Variants in SLIT1 observed in about 807,000 individuals in gnomAD.
SLIT1 encodes the protein slit homolog 1 protein.
In SLIT1, 66 loss-of-function variants were observed where a neutral mutation model predicts 186.1. The ratio of observed to expected loss-of-function variants is 0.35; its 90% CI spans 0.29 to 0.44. The LOEUF (loss-of-function observed/expected upper bound fraction) is 0.44, where lower values mean the gene tolerates loss of function less well. Among genes scored for constraint, SLIT1 ranks in the 20% least tolerant of loss-of-function variants. The probability of loss-of-function intolerance (pLI) is 1.00; values close to 1 mark genes in which losing one functional copy is unlikely to be tolerated. For synonymous variants in SLIT1, 761 were observed against 833.8 expected (o/e 0.91, Z 1.50); for missense variants, 1,638 against 2,037.4 (o/e 0.80, Z 3.77).
chr10:97,066,665 G>C (rs1049014539), intron 4 of SLIT1, among the ~76,000 whole-genome samples: 1 of 152,156 alleles, frequency 6.6e-6, no homozygotes, highest in Non-Finnish European at 1.5e-5. Flanking sequence ...ATGAGAAAAA[G>C]CTCCCTGAGG....
intron 4 of SLIT1, among the ~76,000 whole-genome samples, chr10:97,146,568 A>G (rs56204299): frequency 6.7e-6 from 1 of 149,912 alleles, no homozygotes; most frequent in Non-Finnish European, 1.5e-5. Context: ...AGCCCCCCCC[A>G]CTGAACACCT....
intron 21 of SLIT1, among the ~76,000 whole-genome samples, chr10:97,038,330 C>T (rs1589370780): frequency 6.6e-6 from 1 of 152,208 alleles, no homozygotes; most frequent in East Asian, 1.9e-4. Context: ...AGCTTGCTTT[C>T]CTTGCACTCT....
chr10:97,125,465 A>G (rs1849595339), intron 4 of SLIT1, among the ~76,000 whole-genome samples: 1 of 145,984 alleles, frequency 6.9e-6, no homozygotes, highest in African/African-American at 2.5e-5. Context: ...GCTCAGGAGG[A>G]GGAGGTTACA....
rs1848278318 is a variant in SLIT1, at chr10:96,999,277, C to A, written c.*1835G>T. ...AGGGGCAGATCCTGCCATGAGGACA[C>A]CTGCCACATTGGGCAGGGCACTGCC... On this transcript the variant is annotated 3_prime_UTR_variant, in exon 37 of 37. Coordinates refer to ENST00000266058, the MANE Select transcript of SLIT1 (RefSeq NM_003061.3). 6.6e-6 allele frequency: 1 copy of A among 152,274 alleles called. No homozygotes were observed. Among genetic ancestry groups the A allele is most frequent in the African/African-American group, 2.4e-5 (1 of 41,450 alleles). The allele number at this position is 152,274 out of a possible 1,614,324, so 9.4% of individuals were successfully genotyped here.
chr10:97,075,601 T>A (rs1589383103), intron 4 of SLIT1, among the ~76,000 whole-genome samples: 1 of 152,184 alleles, frequency 6.6e-6, no homozygotes, highest in Non-Finnish European at 1.5e-5. Flanking sequence ...TGGTAGCTGG[T>A]GCCAGCACGG....
intron 4 of SLIT1, among the ~76,000 whole-genome samples, chr10:97,092,612 T>C (rs778374731): frequency 1.3e-5 from 2 of 152,212 alleles, no homozygotes; most frequent in East Asian, 1.9e-4. Context: ...CCATGAAATA[T>C]CACCTCCTTG....
At chr10:97,170,985 G>T (rs1564694091) in intron 1 of SLIT1, among the ~76,000 whole-genome samples, 1 of 152,060 alleles carries the variant, frequency 6.6e-6, no homozygotes, top group Non-Finnish European at 1.5e-5. Context: ...TTCCCTCAGG[G>T]ACTAGAACGT....
In SLIT1 at chr10:96,999,398, C is replaced by T. The variant is rs1034169420; in HGVS notation, c.*1714G>A. 1.3e-5 allele frequency: 2 copies of T among 152,402 alleles called. No homozygotes were observed. The highest frequency in any genetic ancestry group is 6.5e-5 in the Admixed American group (1 of 15,292). The allele number at this position is 152,402 out of a possible 1,614,324, so 9.4% of individuals were successfully genotyped here. ...GCACCTCTACCCCAGTTCTAGCCTT[C>T]TAATCAGCATCAAGGGCTCCCCTCA... On this transcript the variant is annotated 3_prime_UTR_variant, in exon 37 of 37. Coordinates refer to ENST00000266058, the MANE Select transcript of SLIT1 (RefSeq NM_003061.3).
chr10:97,151,835 C>T (rs763201611), intron 4 of SLIT1, among the ~76,000 whole-genome samples: 6 of 152,060 alleles, frequency 3.9e-5, no homozygotes, highest in African/African-American at 7.2e-5. Context: ...TCTTTCTAAC[C>T]GTTACTATGA....
chr10:97,167,896 C>T (rs1850140984), intron 1 of SLIT1, among the ~76,000 whole-genome samples: 1 of 152,202 alleles, frequency 6.6e-6, no homozygotes, highest in African/African-American at 2.4e-5. Context: ...TCCCCTTCCG[C>T]CATGATTGTA....
chr10:97,061,052 C>T (rs565906329), intron 8 of SLIT1, among the ~76,000 whole-genome samples: 1 of 152,310 alleles, frequency 6.6e-6, no homozygotes, highest in South Asian at 2.1e-4. Flanking sequence ...CTAAGAAATC[C>T]TGGCCTAGAA....
intron 4 of SLIT1, among the ~76,000 whole-genome samples, chr10:97,110,064 T>A (rs1849451088): frequency 6.6e-6 from 1 of 152,160 alleles, no homozygotes; most frequent in East Asian, 1.9e-4. Context: ...CAATAATCAC[T>A]GAAACTAGAT....
Position 97,184,693 on chromosome 10 carries a change from T to C in SLIT1, c.197+785A>G, listed in dbSNP as rs1432065668. On this transcript the variant is annotated intron_variant, in intron 1 of 36. Transcript: ENST00000266058. The surrounding 1 kb of genome is among the most constrained non-coding windows in gnomAD (Gnocchi z 4.4). ...AGAACAGGGGAAGAGAAATGCTATT[T>C]TTTTATTACTTGTCATGGTCAATAT... Among the ~76,000 whole-genome samples the C allele has an allele frequency of 6.6e-6, 1 of 152,322 alleles. No individual in the cohort carries two copies. Among genetic ancestry groups the C allele is most frequent in the South Asian group, 2.1e-4 (1 of 4,830 alleles).
Position 97,066,025 on chromosome 10 carries a change from G to A in SLIT1, c.475C>T (p.Leu159Phe). The change falls in exon 5 of 37, where the codon CTT becomes TTT. Residue 159 changes from leucine (L) to phenylalanine (F), a missense_variant. This residue lies in a region of SLIT1 where 1,245 missense variants were observed against 1,535.3 expected (regional missense o/e 0.81). Coordinates refer to ENST00000266058, the MANE Select transcript of SLIT1 (RefSeq NM_003061.3). Reference sequence around the variant, plus strand: ...CAGGCCTGTACTCACAAATTTTTAAGGTCCGTAGCTCCCCGAAAAGCTTTC... The same window carrying A: ...CAGGCCTGTACTCACAAATTTTTAAAGTCCGTAGCTCCCCGAAAAGCTTTC... Reference protein sequence around the residue: ...PRKAFRGATDLKNLQLDKNQI... With the variant: ...PRKAFRGATDFKNLQLDKNQI... 1 of 1,603,482 alleles carries A rather than the reference G, an allele frequency of 6.2e-7. No individual in the cohort carries two copies. Among genetic ancestry groups the A allele is most frequent in the Non-Finnish European group, 8.5e-7 (1 of 1,174,000 alleles).
intron 23 of SLIT1, among the ~76,000 whole-genome samples, chr10:97,034,071 G>C (rs942116124): frequency 6.6e-6 from 1 of 152,062 alleles, no homozygotes; most frequent in Non-Finnish European, 1.5e-5. Context: ...CACCATGTTG[G>C]TCAGGGTGGT....
At chr10:97,015,180 G>C (rs1022747106) in intron 28 of SLIT1, among the ~76,000 whole-genome samples, 5 of 152,218 alleles carry the variant, frequency 3.3e-5, no homozygotes, top group African/African-American at 1.2e-4. Context: ...GGTGGCATCT[G>C]TCCCAGCCCC....
rs1018293669 is a variant in SLIT1, at chr10:97,002,148, G to C, written c.4366+10C>G. ...CCTGGGGAGGGCACGTCAGGAGGGG[G>C]GCCCCTGACCTTGCTCACACAGCTC... On this transcript the variant is annotated intron_variant, in intron 36 of 36. Coordinates refer to ENST00000266058, the MANE Select transcript of SLIT1 (RefSeq NM_003061.3). The C allele has an allele frequency of 7.0e-7, 1 of 1,426,770 alleles. No individual in the cohort carries two copies. The highest frequency in any genetic ancestry group is 9.2e-7 in the Non-Finnish European group (1 of 1,082,148). The allele number at this position is 1,426,770 out of a possible 1,614,324, so 88.4% of individuals were successfully genotyped here.
intron 28 of SLIT1, among the ~76,000 whole-genome samples, chr10:97,017,972 C>T (rs375661497): frequency 4.5e-4 from 68 of 151,996 alleles, no homozygotes; most frequent in African/African-American, 1.5e-3. Context: ...CCTCAGCCTC[C>T]GGAGTAGCTG....
At chr10:97,137,474 T>C (rs1221694283) in intron 4 of SLIT1, among the ~76,000 whole-genome samples, 1 of 152,250 alleles carries the variant, frequency 6.6e-6, no homozygotes, top group Non-Finnish European at 1.5e-5. Context: ...CCCCATATTT[T>C]CTACTGTTAG....
Sources: gnomAD v4.1 joint callset for allele counts (sites outside exome capture counted in the v4.1 genomes callset) on GRCh38, gnomAD v4.1.1 for gene constraint, gnomAD v4.1.1 regional missense constraint, Gnocchi (gnomAD v3.1) non-coding constraint, MANE v1.5 for transcripts, NCBI Gene and HGNC (gene_info 2026-07-23, HGNC 2026-07-21) for gene names.